Variants in MYO1B observed in about 807,000 individuals in gnomAD.
The protein encoded by MYO1B is myosin IB, also known as unconventional myosin-Ib.
A neutral mutation model predicts 159.7 loss-of-function variants in MYO1B; 72 were observed. The ratio of observed to expected loss-of-function variants is 0.45; its 90% CI spans 0.37 to 0.55. The LOEUF is 0.55. Ranked by LOEUF, MYO1B falls within the 20% of genes least tolerant of loss-of-function variation. The probability of loss-of-function intolerance (pLI) is 0.00; values close to 1 mark genes in which losing one functional copy is unlikely to be tolerated. For missense variants in MYO1B, 1,062 were observed against 1,364.8 expected (o/e 0.78, Z 3.50); for synonymous variants, 468 against 473.8 (o/e 0.99, Z 0.16).
intron 1 of MYO1B, among the ~76,000 whole-genome samples, chr2:191,254,806 A>G (rs1373979007): frequency 3.3e-5 from 5 of 152,188 alleles, no homozygotes; most frequent in East Asian, 1.9e-4. Flanking sequence ...TAAAAATTAT[A>G]TGCAGTACTT....
intron 15 of MYO1B, among the ~76,000 whole-genome samples, chr2:191,385,169 G>A (rs1009561575): frequency 1.3e-5 from 2 of 152,170 alleles, no homozygotes; most frequent in African/African-American, 4.8e-5. Context: ...CCTGACTTCT[G>A]ATTCAGTTTA....
intron 1 of MYO1B, among the ~76,000 whole-genome samples, chr2:191,261,505 C>T (rs891274374): frequency 1.3e-5 from 2 of 152,266 alleles, no homozygotes; most frequent in East Asian, 1.9e-4. Flanking sequence ...ACTGTGTGTC[C>T]GTTGTGGATC....
At chr2:191,285,554 C>A (rs1056012470) in intron 2 of MYO1B, among the ~76,000 whole-genome samples, 2 of 152,124 alleles carry the variant, frequency 1.3e-5, no homozygotes, top group Non-Finnish European at 2.9e-5. Context: ...AGATTCTTTC[C>A]TCAAACTTTG....
rs148172451 is a variant in MYO1B, at chr2:191,257,177, C to A, written c.-10+11551C>A. Among the ~76,000 whole-genome samples, 23 of 152,202 alleles carry A rather than the reference C, an allele frequency of 1.5e-4. No homozygotes were observed. In the East Asian group the frequency reaches 4.2e-3, roughly 28 times the overall value. On this transcript the variant is annotated intron_variant, in intron 1 of 30. Transcript: ENST00000392318. ...TTATTGTCAAAATAAGTAAATATAA[C>A]TTTTCACTCTCAGAAATCTAAATGA...
intron 30 of MYO1B, among the ~76,000 whole-genome samples, chr2:191,416,771 G>T (rs1332354062): frequency 6.6e-6 from 1 of 151,924 alleles, no homozygotes; most frequent in Admixed American, 6.6e-5. Flanking sequence ...CCGAGATCGT[G>T]CCACCGCAAT....
intron 2 of MYO1B, among the ~76,000 whole-genome samples, 168 bp from the exon 3 acceptor site, chr2:191,295,943 A>G (rs4853466): frequency 0.53 from 80,552 of 152,098 alleles, 22,081 homozygotes; most frequent in East Asian, 0.66. Context: ...GACATTGTTG[A>G]CCATCTGTCT....
At chr2:191,250,784 T>C (rs1686063476) in intron 1 of MYO1B, among the ~76,000 whole-genome samples, 1 of 152,196 alleles carries the variant, frequency 6.6e-6, no homozygotes, top group African/African-American at 2.4e-5. Context: ...AAGACCCCTT[T>C]GCTTTCCAGA....
rs1252571174 is a variant in MYO1B, at chr2:191,346,394, ACAT to A, written c.498+117_498+119del. ...TACACACATTTTTAAAATAAGAGGA[ACAT>A]CATCTCTATTGAAACACAAAGTTCT... On this transcript the variant is annotated intron_variant, in intron 6 of 30. Coordinates refer to ENST00000392318, the MANE Select transcript of MYO1B (RefSeq NM_001130158.3). 4 of 660,286 alleles carry A rather than the reference ACAT, an allele frequency of 6.1e-6. No homozygotes were observed. The Admixed American group carries it at 1.7e-4, about 28-fold the overall frequency. 40.9% of individuals were successfully genotyped at this position (660,286 alleles called of 1,614,324 possible). A position where few individuals can be genotyped will look rare whatever the true frequency, so the allele number is the denominator to read the frequency against.
chr2:191,250,606 T>C (rs1432642730), intron 1 of MYO1B, among the ~76,000 whole-genome samples: 2 of 152,186 alleles, frequency 1.3e-5, no homozygotes, highest in Non-Finnish European at 2.9e-5. Context: ...TCACATTGAG[T>C]TATATGATAT....
At chr2:191,264,727 A>G (rs990500655) in intron 1 of MYO1B, among the ~76,000 whole-genome samples, 33 of 151,558 alleles carry the variant, frequency 2.2e-4, no homozygotes, top group Non-Finnish European at 4.3e-4. Flanking sequence ...TGTCACTGAG[A>G]GAGATTCTTG....
chr2:191,304,380 G>A (rs1042930224), intron 3 of MYO1B, among the ~76,000 whole-genome samples: 2 of 152,178 alleles, frequency 1.3e-5, no homozygotes, highest in African/African-American at 4.8e-5. Context: ...AGACTAGCCT[G>A]ACCAACATGG....
At chr2:191,334,794 G>A (rs539224083) in intron 4 of MYO1B, among the ~76,000 whole-genome samples, 17 of 152,162 alleles carry the variant, frequency 1.1e-4, no homozygotes, top group Non-Finnish European at 2.2e-4. Flanking sequence ...CAAATCTGTG[G>A]TGAAGCACCA....
At chr2:191,416,444 G>C (rs1287308838) in intron 30 of MYO1B, 4 of 586,486 alleles carry the variant, frequency 6.8e-6, no homozygotes, top group African/African-American at 1.9e-5. Context: ...GAAGAGACCA[G>C]TATGTACAAA....
Position 191,363,712 on chromosome 2 carries a change from T to A in MYO1B, c.766-16T>A. The stretch of plus-strand genomic sequence containing the variant: ...CTATAAGAAAAAAATAGTTGCTTTT[T>A]TTTTTCTCTCCCCAGAATGCCATGC... On this transcript the variant is annotated splice_polypyrimidine_tract_variant and intron_variant, in intron 9 of 30. Transcript: ENST00000392318. 6.4e-7 allele frequency: 1 copy of A among 1,572,168 alleles called. No homozygotes were observed. Among genetic ancestry groups the A allele is most frequent in the Non-Finnish European group, 8.6e-7 (1 of 1,167,686 alleles).
chr2:191,385,814 G>A (rs1055421582), intron 15 of MYO1B, 70 bp from the exon 16 acceptor site: 6 of 1,446,026 alleles, frequency 4.1e-6, no homozygotes, highest in Middle Eastern at 1.8e-4. Flanking sequence ...GTTTGATGGT[G>A]TAATTAGGAA....
chr2:191,398,276 G>A (rs1435111798), intron 21 of MYO1B, among the ~76,000 whole-genome samples: 1 of 97,162 alleles, frequency 1.0e-5, no homozygotes, highest in South Asian at 3.4e-4. Context: ...CGGACGGGGC[G>A]GCTGGCCGGG....
At position 191,392,098 on chromosome 2, in the gene MYO1B, AT is replaced by A. The variant is rs766497351; in HGVS notation, c.1983-3del. 4.4e-6 allele frequency: 7 copies of A among 1,580,754 alleles called. No homozygotes were observed. Among genetic ancestry groups the A allele is most frequent in the Non-Finnish European group, 4.3e-6 (5 of 1,157,070 alleles). ...CAGAAAACTCACTGTTTTTATTTTT[AT>A]TTTTTTAGGTCTGGTGTGGAGGTCC... On this transcript the variant is annotated splice_polypyrimidine_tract_variant and intron_variant, in intron 18 of 30. Coordinates refer to ENST00000392318, the MANE Select transcript of MYO1B (RefSeq NM_001130158.3).
chr2:191,410,936 C>A, intron 26 of MYO1B, 130 bp from the exon 27 acceptor site: 2 of 570,890 alleles, frequency 3.5e-6, no homozygotes, highest in Non-Finnish European at 6.0e-6. Flanking sequence ...TGTTTTTGGC[C>A]TTTTTTAGTG....
At chr2:191,341,969 T>C (rs902526699) in intron 5 of MYO1B, among the ~76,000 whole-genome samples, 8 of 152,182 alleles carry the variant, frequency 5.3e-5, no homozygotes, top group Non-Finnish European at 1.0e-4. Flanking sequence ...GACTCATTTT[T>C]TCCAGAGTCA....
Sources: allele counts gnomAD v4.1 joint callset (sites outside exome capture counted in the v4.1 genomes callset), GRCh38; gene constraint gnomAD v4.1.1; transcripts MANE v1.5; gene names NCBI Gene and HGNC (gene_info 2026-07-23, HGNC 2026-07-21).